Variants in ATP9B observed in about 807,000 individuals in gnomAD.
The protein encoded by ATP9B is probable phospholipid-transporting ATPase IIB.
In ATP9B, 110 loss-of-function variants were observed where a neutral mutation model predicts 146.1. That is an observed-to-expected ratio of 0.75 (90% CI 0.65 to 0.88). The LOEUF (loss-of-function observed/expected upper bound fraction) is 0.88, where lower values mean the gene tolerates loss of function less well. Ranked by LOEUF, ATP9B falls within the 40% of genes least tolerant of loss-of-function variation. The probability of loss-of-function intolerance (pLI) is 0.00; values close to 1 mark genes in which losing one functional copy is unlikely to be tolerated. For missense variants in ATP9B, 1,499 were observed against 1,496.4 expected (o/e 1.00, Z -0.03); for synonymous variants, 604 against 569.7 (o/e 1.06, Z -0.86).
intron 2 of ATP9B, among the ~76,000 whole-genome samples, chr18:79,105,491 C>T (rs1459256911): frequency 1.3e-5 from 2 of 152,168 alleles, no homozygotes; most frequent in Non-Finnish European, 2.9e-5. Context: ...GCTTTAATTT[C>T]TTCATGGCTT....
intron 12 of ATP9B, among the ~76,000 whole-genome samples, chr18:79,274,114 ATTACT>A (rs1187662662): frequency 1.3e-5 from 2 of 152,170 alleles, no homozygotes; most frequent in Non-Finnish European, 2.9e-5. Context: ...GCTGGTATTG[ATTACT>A]TTATAATCTA....
intron 1 of ATP9B, among the ~76,000 whole-genome samples, chr18:79,083,857 ATCT>A (rs1197917012): frequency 3.4e-4 from 50 of 146,636 alleles, no homozygotes; most frequent in Non-Finnish European, 5.5e-4. Context: ...CCTATTGACC[ATCT>A]TCTTCTTTTT....
At chr18:79,147,883 G>A (rs753107336) in intron 6 of ATP9B, among the ~76,000 whole-genome samples, 7 of 152,098 alleles carry the variant, frequency 4.6e-5, no homozygotes, top group Admixed American at 3.9e-4. Flanking sequence ...CAATACAAAA[G>A]CTGGTTCTTC....
chr18:79,118,384 G>GTTTTTTTTTTTTTTTTTTTTTTTTTT lies in ATP9B; in HGVS notation c.558+5035_558+5036insTTTTTTTTTTTTTTTTTTTTTTTTTT, dbSNP rs1304879263. ...ATTTTAAAACACAATCATATTGAAC[G>GTTTTTTTTTTTTTTTTTTTTTTTTTT]TTTTTGTTTTTTTTTTTTTTTTTTT... is the stretch of plus-strand genomic sequence containing the variant. On this transcript the variant is annotated intron_variant, in intron 4 of 29. Transcript: ENST00000426216. Among the ~76,000 whole-genome samples, 3 of 73,490 alleles carry GTTTTTTTTTTTTTTTTTTTTTTTTTT rather than the reference G, an allele frequency of 4.1e-5. 1 individual carries two copies. The highest frequency in any genetic ancestry group is 1.6e-4 in the African/African-American group (3 of 18,676). 48.2% of individuals were successfully genotyped at this position (73,490 alleles called of 152,430 possible).
intron 10 of ATP9B, 122 bp from the exon 11 acceptor site, chr18:79,213,840 G>A (rs2095604448): frequency 1.3e-6 from 1 of 740,870 alleles, no homozygotes; most frequent in Non-Finnish European, 2.1e-6. Flanking sequence ...TACACTGTTG[G>A]ATAAATTTAT....
chr18:79,245,551 G>GGAGGGCACCACCCTACTGACTGTACA (rs1555785604), intron 11 of ATP9B, among the ~76,000 whole-genome samples: 4 of 147,276 alleles, frequency 2.7e-5, no homozygotes, highest in African/African-American at 1.0e-4. Context: ...TACTGACTGA[G>GGAGGGCACCACCCTACTGACTGTACA]GAGGGCACCG....
intron 11 of ATP9B, among the ~76,000 whole-genome samples, chr18:79,218,959 G>A (rs186148671): frequency 8.5e-5 from 13 of 152,222 alleles, no homozygotes; most frequent in African/African-American, 2.6e-4. Flanking sequence ...CACAGTGTAC[G>A]AAAAAGAGGA....
intron 26 of ATP9B, 122 bp downstream of exon 26, chr18:79,359,584 C>T: frequency 1.3e-6 from 1 of 742,226 alleles, no homozygotes; most frequent in South Asian, 1.5e-5. Flanking sequence ...GATTCTCTGT[C>T]CTTGAAGATG....
At position 79,367,323 on chromosome 18, in the gene ATP9B, G is replaced by A. The variant is rs1326015630; in HGVS notation, c.3013-5502G>A. Among the ~76,000 whole-genome samples, 999 of 135,952 alleles carry A rather than the reference G, an allele frequency of 7.3e-3. 16 individuals carry two copies. The highest frequency in any genetic ancestry group is 0.027 in the African/African-American group (935 of 34,570). The allele number at this position is 135,952 out of a possible 152,430, so 89.2% of individuals were successfully genotyped here. ...ATATCTTCACCTCCACCGTGTGTAC[G>A]CAGAGAAAGTGCCTCCTCAACCAGA... On this transcript the variant is annotated intron_variant, in intron 26 of 29. Coordinates refer to ENST00000426216, the MANE Select transcript of ATP9B (RefSeq NM_198531.5).
intron 17 of ATP9B, 28 bp from the exon 18 acceptor site, chr18:79,336,596 GCCCA>G (rs2096828500): frequency 6.2e-7 from 1 of 1,607,552 alleles, no homozygotes. Flanking sequence ...GCTCTGCAGG[GCCCA>G]CCTGTGACTC....
At chr18:79,185,156 AGGTGGT>A (rs1045531457) in intron 8 of ATP9B, among the ~76,000 whole-genome samples, 1 of 151,850 alleles carries the variant, frequency 6.6e-6, no homozygotes, top group African/African-American at 2.4e-5. Flanking sequence ...CAGTATCTTG[AGGTGGT>A]GGTGGTCACA....
chr18:79,308,555 A>G (rs936183677), intron 15 of ATP9B, among the ~76,000 whole-genome samples: 1 of 152,240 alleles, frequency 6.6e-6, no homozygotes, highest in Non-Finnish European at 1.5e-5. Flanking sequence ...GGCAACCTGC[A>G]TGCCTGTGTG....
intron 9 of ATP9B, among the ~76,000 whole-genome samples, chr18:79,201,662 C>T (rs1424800068): frequency 6.6e-6 from 1 of 152,036 alleles, no homozygotes; most frequent in Non-Finnish European, 1.5e-5. Flanking sequence ...CCTGTGCCTC[C>T]TTGTTCAAGC....
rs1568701996 is a variant in ATP9B, at chr18:79,327,964, GTGGTTAGCGTGCTCTCTC to G, written c.1774-1160_1774-1143del. Among the ~76,000 whole-genome samples the G allele has an allele frequency of 1.5e-4, 9 of 58,292 alleles. 1 individual carries two copies. Among genetic ancestry groups the G allele is most frequent in the African/African-American group, 5.9e-4 (9 of 15,354 alleles). The allele number at this position is 58,292 out of a possible 152,430, so 38.2% of individuals were successfully genotyped here. A position where few individuals can be genotyped will look rare whatever the true frequency, so the allele number is the denominator to read the frequency against. On this transcript the variant is annotated intron_variant, in intron 15 of 29. Coordinates refer to ENST00000426216, the MANE Select transcript of ATP9B (RefSeq NM_198531.5). ...GCTCTCCGTGGTTAGCGTGCTCTCCGTGGTTAGCGTGCTCTCTCTGGTTAGCGTGCTCTCCGTGGTTAG... is the reference window on the plus strand; with the variant it reads ...GCTCTCCGTGGTTAGCGTGCTCTCCGTGGTTAGCGTGCTCTCCGTGGTTAG...
intron 13 of ATP9B, among the ~76,000 whole-genome samples, chr18:79,282,048 A>G (rs983010670): frequency 6.6e-6 from 1 of 152,168 alleles, no homozygotes; most frequent in Admixed American, 6.5e-5. Context: ...AGCGGAGGGA[A>G]GAGCCGCAGG....
At chr18:79,264,590 A>G (rs2145398777) in intron 12 of ATP9B, among the ~76,000 whole-genome samples, 1 of 149,974 alleles carries the variant, frequency 6.7e-6, no homozygotes, top group Middle Eastern at 3.5e-3. Context: ...ATCCTTCCCT[A>G]CTCCAAGGAG....
At chr18:79,080,394 C>T (rs2073118527) in intron 1 of ATP9B, among the ~76,000 whole-genome samples, 1 of 151,898 alleles carries the variant, frequency 6.6e-6, no homozygotes, top group African/African-American at 2.4e-5. Context: ...ATTTTATTCT[C>T]TTTGTAGCAG....
intron 12 of ATP9B, among the ~76,000 whole-genome samples, chr18:79,264,565 T>C (rs2145398187): frequency 6.6e-6 from 1 of 152,294 alleles, no homozygotes; most frequent in Non-Finnish European, 1.5e-5. Flanking sequence ...TATCACTTTT[T>C]ATGTTGTTTA....
In ATP9B at chr18:79,344,267, A is replaced by C; in HGVS notation, c.2385A>C (p.Val795=). The C allele has an allele frequency of 1.9e-6, 3 of 1,614,046 alleles. No homozygotes were observed. The highest frequency in any genetic ancestry group is 2.5e-6 in the Non-Finnish European group (3 of 1,179,876). ...RTQDIHIFRQ[V]TSRGEAHLEL... is the part of the protein sequence containing the mutation. ...ATTCTTTTTCTCCCTTAATGGAGGTAACCAGTCGGGGAGAGGCACATTTGG... is the reference window on the plus strand; with the variant it reads ...ATTCTTTTTCTCCCTTAATGGAGGTCACCAGTCGGGGAGAGGCACATTTGG... Residue 795 remains valine, a splice_region_variant and synonymous_variant, in exon 21 of 30, where the codon GTA becomes GTC. Transcript: ENST00000426216.
Sources: allele counts gnomAD v4.1 joint callset (sites outside exome capture counted in the v4.1 genomes callset), GRCh38; gene constraint gnomAD v4.1.1; transcripts MANE v1.5; gene names NCBI Gene and HGNC (gene_info 2026-07-23, HGNC 2026-07-21).